Variants in CPS1 observed in about 807,000 individuals in gnomAD.
The protein encoded by CPS1 is carbamoyl-phosphate synthase 1, also known as carbamoyl-phosphate synthase [ammonia], mitochondrial.
CPS1 carries 109 observed loss-of-function variants against 174.6 expected under a neutral mutation model. That is an observed-to-expected ratio of 0.62 (90% CI 0.53 to 0.73). The LOEUF is 0.73. CPS1 is among the 30% of genes least tolerant of loss of function. CPS1 has a pLI of 0.00. For missense variants in CPS1, 1,689 were observed against 1,821.9 expected, an observed-to-expected ratio of 0.93 and a Z score of 1.33; for synonymous variants, 637 against 632.0, an observed-to-expected ratio of 1.01 and a Z score of -0.12.
At chr2:210,640,391 A>G (rs1700183655) in intron 24 of CPS1, among the ~76,000 whole-genome samples, 1 of 152,204 alleles carries the variant, frequency 6.6e-6, no homozygotes, top group Non-Finnish European at 1.5e-5. Context: ...ATAGTTTTTC[A>G]TAAGGATCTA....
At position 210,599,456 on chromosome 2, in the gene CPS1, G is replaced by C; in HGVS notation, c.1444G>C (p.Val482Leu). 9 of 1,612,580 alleles carry C rather than the reference G, an allele frequency of 5.6e-6. No individual in the cohort carries two copies. The highest frequency in any genetic ancestry group is 7.6e-6 in the Non-Finnish European group (9 of 1,179,082). The change falls in exon 14 of 38, where the codon GTC becomes CTC. Residue 482 changes from valine to leucine, a missense_variant. Val to Leu is a conservative substitution (Grantham distance 32, BLOSUM62 1). Transcript: ENST00000233072. ...NEVGLKQADT[V>L]YFLPITPQFV... is the part of the protein sequence containing the mutation. The stretch of plus-strand genomic sequence containing the variant: ...GGTGGGCTTAAAGCAAGCGGATACT[G>C]TCTACTTTCTTCCCATCACCCCTCA...
At chr2:210,522,687 G>A (rs764452158) in intron 1 of CPS1, among the ~76,000 whole-genome samples, 9 of 151,946 alleles carry the variant, frequency 5.9e-5, no homozygotes, top group Non-Finnish European at 8.8e-5. Context: ...GTGGACAGTT[G>A]CTATCACTTC....
intron 4 of CPS1, among the ~76,000 whole-genome samples, chr2:210,578,489 C>T (rs918401950): frequency 6.6e-6 from 1 of 152,138 alleles, no homozygotes; most frequent in Admixed American, 6.6e-5. Context: ...AATGGACCTG[C>T]TTCAATTAAC....
intron 17 of CPS1, among the ~76,000 whole-genome samples, chr2:210,605,914 G>A (rs1559102147): frequency 6.6e-6 from 1 of 151,784 alleles, no homozygotes; most frequent in Non-Finnish European, 1.5e-5. Flanking sequence ...TAGATTTATA[G>A]GGCAGGGGAA....
intron 1 of CPS1, among the ~76,000 whole-genome samples, chr2:210,507,998 A>G (rs1423158318): frequency 6.6e-6 from 1 of 151,956 alleles, no homozygotes; most frequent in Non-Finnish European, 1.5e-5. Flanking sequence ...GGATATCCAG[A>G]AATTGAATTC....
chr2:210,607,449 T>A (rs563368067), intron 18 of CPS1, among the ~76,000 whole-genome samples: 10 of 152,004 alleles, frequency 6.6e-5, no homozygotes, highest in Non-Finnish European at 1.5e-4. Context: ...GCTGTCTATG[T>A]AACAGCCACT....
At chr2:210,494,284 G>A (rs10804184) in intron 1 of CPS1, among the ~76,000 whole-genome samples, 39,089 of 152,114 alleles carry the variant, frequency 0.26, 5,136 homozygotes, top group Middle Eastern at 0.39. Context: ...TCATCGCATA[G>A]ATGCAAACAT....
chr2:210,593,359 A>C (rs182405927), intron 11 of CPS1: 1 of 1,105,026 alleles, frequency 9.0e-7, no homozygotes, highest in African/African-American at 1.6e-5. Context: ...TTGTGTAGCC[A>C]CTAAGGGAGA....
chr2:210,516,875 AT>A (rs1695698362), intron 1 of CPS1, among the ~76,000 whole-genome samples: 1 of 151,850 alleles, frequency 6.6e-6, no homozygotes, highest in African/African-American at 2.4e-5. Flanking sequence ...ATTCTTCAAT[AT>A]TTTTCCAATT....
At chr2:210,488,999 T>C (rs1694795965) in intron 1 of CPS1, among the ~76,000 whole-genome samples, 1 of 152,134 alleles carries the variant, frequency 6.6e-6, no homozygotes, top group African/African-American at 2.4e-5. Context: ...TCTTGGAAAT[T>C]AGAGGTACAA....
chr2:210,650,294 G>C, intron 27 of CPS1, 69 bp from the exon 28 acceptor site: 2 of 1,296,274 alleles, frequency 1.5e-6, no homozygotes, highest in Non-Finnish European at 1.1e-6. Flanking sequence ...GTCTGGAACT[G>C]TTCTGAGAAC....
At chr2:210,536,822 G>A (rs78261012) in intron 1 of CPS1, among the ~76,000 whole-genome samples, 2,831 of 152,216 alleles carry the variant, frequency 0.019, 75 homozygotes, top group African/African-American at 0.064. Flanking sequence ...GAGAAAGAGC[G>A]TAAGAATAAA....
chr2:210,502,487 GAT>G (rs1553719372), intron 1 of CPS1, among the ~76,000 whole-genome samples: 4 of 146,510 alleles, frequency 2.7e-5, no homozygotes, highest in South Asian at 2.1e-4. Context: ...ATATAAAAGA[GAT>G]ATAAATATAG....
At chr2:210,591,548 G>T (rs1264823689) in intron 9 of CPS1, among the ~76,000 whole-genome samples, 1 of 151,926 alleles carries the variant, frequency 6.6e-6, no homozygotes, top group African/African-American at 2.4e-5. Context: ...AAGCCGGTGA[G>T]CAACCCTTTT....
intron 1 of CPS1, among the ~76,000 whole-genome samples, chr2:210,488,539 G>A (rs1381798467): frequency 6.6e-6 from 1 of 152,110 alleles, no homozygotes; most frequent in Non-Finnish European, 1.5e-5. Context: ...CATGCTGCCT[G>A]TTTCCTCTAT....
intron 30 of CPS1, chr2:210,658,376 C>T: frequency 2.1e-6 from 1 of 475,074 alleles, no homozygotes. Context: ...TAATCGTGTA[C>T]AATTATTTGT....
chr2:210,489,518 G>A (rs1694816550), intron 1 of CPS1, among the ~76,000 whole-genome samples: 1 of 152,176 alleles, frequency 6.6e-6, no homozygotes, highest in Non-Finnish European at 1.5e-5. Context: ...TTATATGTAA[G>A]TAGGAAGGAA....
At chr2:210,630,638 T>A (rs2105886946) in intron 21 of CPS1, among the ~76,000 whole-genome samples, 1 of 152,324 alleles carries the variant, frequency 6.6e-6, no homozygotes, top group Middle Eastern at 3.4e-3. Flanking sequence ...CTCATTCCTG[T>A]ATAGAAACAG....
intron 15 of CPS1, 91 bp downstream of exon 15, chr2:210,600,803 A>T: frequency 7.3e-7 from 1 of 1,369,342 alleles, no homozygotes; most frequent in Non-Finnish European, 1.0e-6. Context: ...AATAGTTAAG[A>T]TTATTATACT....
Sources: gnomAD v4.1 joint callset for allele counts (sites outside exome capture counted in the v4.1 genomes callset) on GRCh38, gnomAD v4.1.1 for gene constraint, MANE v1.5 for transcripts, NCBI Gene and HGNC (gene_info 2026-07-23, HGNC 2026-07-21) for gene names.